The following ORC4 variants were observed in gnomAD, a reference collection of about 807,000 sequenced individuals.
ORC4 encodes origin recognition complex subunit 4.
A neutral mutation model predicts 63.9 loss-of-function variants in ORC4; 55 were observed. The observed-to-expected ratio is 0.86, with a 90% CI of 0.69 to 1.08. The LOEUF is 1.08. Ranked by LOEUF, ORC4 falls within the 50% of genes least tolerant of loss-of-function variation. The pLI is 0.00. For missense variants in ORC4, 511 were observed against 504.4 expected, an observed-to-expected ratio of 1.01 and a Z score of -0.13; for synonymous variants, 150 against 168.5, an observed-to-expected ratio of 0.89 and a Z score of 0.85.
chr2:147,970,665 T>C (rs1196640841), intron 4 of ORC4, among the ~76,000 whole-genome samples: 2 of 151,484 alleles, frequency 1.3e-5, no homozygotes, highest in Non-Finnish European at 2.9e-5. Flanking sequence ...CTTACATCTT[T>C]CACAAAAATT....
At chr2:147,944,670 A>C (rs1455460785) in intron 9 of ORC4, among the ~76,000 whole-genome samples, 1 of 149,166 alleles carries the variant, frequency 6.7e-6, no homozygotes, top group Non-Finnish European at 1.5e-5. Flanking sequence ...TTTTTCAAAA[A>C]TCATCTGCAT....
chr2:147,956,882 A>G (rs1315813918), intron 6 of ORC4, among the ~76,000 whole-genome samples: 4 of 151,746 alleles, frequency 2.6e-5, no homozygotes, highest in Non-Finnish European at 5.9e-5. Context: ...ACCCAGATCA[A>G]CTGGGAACCA....
intron 1 of ORC4, among the ~76,000 whole-genome samples, chr2:147,996,090 G>T (rs1177989941): frequency 1.3e-5 from 2 of 152,050 alleles, no homozygotes; most frequent in Non-Finnish European, 2.9e-5. Context: ...GGACCATGAG[G>T]TCAAGAGATC....
chr2:147,967,292 C>T (rs979436618), intron 4 of ORC4, among the ~76,000 whole-genome samples: 6 of 152,008 alleles, frequency 3.9e-5, no homozygotes, highest in Non-Finnish European at 8.8e-5. Flanking sequence ...GATGTTCACT[C>T]TCCCCATTCT....
In ORC4 at chr2:147,958,802, AC is replaced by A. The variant is rs1475951013; in HGVS notation, c.289del (p.Val97PhefsTer3). 1.4e-6 allele frequency: 2 copies of A among 1,452,672 alleles called. No homozygotes were observed. Among genetic ancestry groups the A allele is most frequent in the East Asian group, 4.6e-5 (2 of 43,794 alleles). The allele number at this position is 1,452,672 out of a possible 1,614,324, so 90.0% of individuals were successfully genotyped here. On this transcript the variant is annotated frameshift_variant, in exon 5 of 14. Coordinates refer to ENST00000392857, the MANE Select transcript of ORC4 (RefSeq NM_181741.4). LOFTEE classifies it high-confidence loss of function. ...IEEVSENVLQVHLNGLLQIND... is the reference protein window; with the variant it reads ...IEEVSENVLQXHLNGLLQIND... ...AATGGCATACTTACCATTTAAGTGA[AC>A]TTGTAATACATTTTCACTCACTTCT...
chr2:147,944,423 A>C (rs1688543149), intron 9 of ORC4, among the ~76,000 whole-genome samples: 1 of 152,248 alleles, frequency 6.6e-6, no homozygotes, highest in South Asian at 2.1e-4. Flanking sequence ...GAGAGAAGTG[A>C]GGTTCAACAA....
intron 10 of ORC4, among the ~76,000 whole-genome samples, chr2:147,940,247 T>C (rs578059602): frequency 3.3e-5 from 5 of 152,238 alleles, no homozygotes; most frequent in African/African-American, 9.6e-5. Flanking sequence ...GTAAGTTCTT[T>C]AGTGGTGATT....
upstream of ORC4, chr2:148,021,481 TTGCTGCTGCTGC>T (rs773118482): frequency 1.8e-4 from 106 of 573,530 alleles, no homozygotes; most frequent in African/African-American, 1.9e-3. Context: ...GCTGCTGCTG[TTGCTGCTGCTGC>T]TGCTACTGCT....
intron 1 of ORC4, among the ~76,000 whole-genome samples, chr2:147,995,887 C>T (rs1048650848): frequency 6.6e-6 from 1 of 151,980 alleles, no homozygotes; most frequent in African/African-American, 2.4e-5. Context: ...AAATTCCAGA[C>T]ACATCGGGAA....
intron 1 of ORC4, among the ~76,000 whole-genome samples, chr2:147,990,989 C>T (rs1691549047): frequency 6.6e-6 from 1 of 151,866 alleles, no homozygotes; most frequent in Admixed American, 6.6e-5. Context: ...TACACAGACA[C>T]ACACAACCAC....
At chr2:147,944,505 C>A (rs1688547349) in intron 9 of ORC4, among the ~76,000 whole-genome samples, 1 of 151,890 alleles carries the variant, frequency 6.6e-6, no homozygotes, top group Admixed American at 6.6e-5. Context: ...ATCACCACAG[C>A]CCTTTGAGAA....
chr2:147,969,334 T>A (rs1328103770), intron 4 of ORC4, among the ~76,000 whole-genome samples: 1 of 152,074 alleles, frequency 6.6e-6, no homozygotes. Flanking sequence ...ATGATTGATA[T>A]GCTAATTATT....
At chr2:147,938,992 CT>C (rs1688216398) in intron 11 of ORC4, 147 bp downstream of exon 11, 11 of 613,304 alleles carry the variant, frequency 1.8e-5, no homozygotes, top group South Asian at 1.8e-4. Flanking sequence ...GTGATAGTAC[CT>C]TTAAAAGGAC....
At chr2:147,976,048 A>G (rs1690535287) in intron 1 of ORC4, 73 bp from the exon 2 acceptor site, 1 of 797,538 alleles carries the variant, frequency 1.3e-6, no homozygotes, top group Non-Finnish European at 2.2e-6. Flanking sequence ...ACTGTTCTAG[A>G]ATTAAAATAA....
At chr2:147,945,891 A>G (rs572374046) in intron 9 of ORC4, among the ~76,000 whole-genome samples, 1 of 152,188 alleles carries the variant, frequency 6.6e-6, no homozygotes, top group Admixed American at 6.6e-5. Context: ...TTTCAAGTGA[A>G]GCTCATTTTA....
At chr2:147,971,440 C>A (rs1184947228) in intron 4 of ORC4, among the ~76,000 whole-genome samples, 1 of 150,784 alleles carries the variant, frequency 6.6e-6, no homozygotes, top group Non-Finnish European at 1.5e-5. Flanking sequence ...AACAAATAAC[C>A]CAAATTAAAA....
intron 4 of ORC4, chr2:147,960,157 A>G (rs1010468732): frequency 7.1e-6 from 4 of 560,976 alleles, no homozygotes; most frequent in African/African-American, 4.1e-5. Context: ...GCTAAAAGGA[A>G]TGGGGATTTT....
At chr2:148,015,680 T>G (rs1214663912) in intron 1 of ORC4, among the ~76,000 whole-genome samples, 2 of 152,128 alleles carry the variant, frequency 1.3e-5, no homozygotes, top group Non-Finnish European at 2.9e-5. Context: ...CTTGCTTTTT[T>G]TTTTTGGCTA....
At chr2:147,935,827 C>T (rs1007079989) in intron 13 of ORC4, 129 bp from the exon 14 acceptor site, 1 of 709,248 alleles carries the variant, frequency 1.4e-6, no homozygotes, top group African/African-American at 1.8e-5. Flanking sequence ...AATGTAACAA[C>T]AATCAATAGG....
Sources: allele counts gnomAD v4.1 joint callset (sites outside exome capture counted in the v4.1 genomes callset), GRCh38; gene constraint gnomAD v4.1.1; transcripts MANE v1.5; gene names NCBI Gene and HGNC (gene_info 2026-07-23, HGNC 2026-07-21).